Variants in ZNF486 observed in about 807,000 individuals in gnomAD.
ZNF486 encodes the protein KRAB box only protein 2.
In ZNF486, 12 loss-of-function variants were observed where a neutral mutation model predicts 12.8. The observed-to-expected ratio is 0.94, with a 90% CI of 0.60 to 1.52. The LOEUF (loss-of-function observed/expected upper bound fraction) is 1.52. Among genes scored for constraint, ZNF486 ranks in the 40% most tolerant of loss-of-function variants. The pLI is 0.00. For missense variants in ZNF486, 738 were observed against 545.0 expected (o/e 1.35, Z -3.53); for synonymous variants, 231 against 184.9 (o/e 1.25, Z -2.02).
chr19:20,198,215 C>G lies in ZNF486; in HGVS notation c.*113C>G. On this transcript the variant is annotated 3_prime_UTR_variant, in exon 4 of 4. Transcript: ENST00000335117. The stretch of plus-strand genomic sequence containing the variant: ...CACCACAACCTCCACCTTCTGGGTT[C>G]AAGTAACTCTCCTTAGTAGCTAGGA... 1.2e-6 allele frequency: 1 copy of G among 856,448 alleles called. No homozygotes were observed. Among genetic ancestry groups the G allele is most frequent in the Non-Finnish European group, 1.8e-6 (1 of 558,116 alleles). The allele number at this position is 856,448 out of a possible 1,614,324, so 53.1% of individuals were successfully genotyped here.
Position 20,194,818 on chromosome 19 carries a change from T to C in ZNF486, c.254-2146T>C, listed in dbSNP as rs542423595. Among the ~76,000 whole-genome samples, 40 of 152,344 alleles carry C rather than the reference T, an allele frequency of 2.6e-4. 1 individual carries two copies. Among genetic ancestry groups the C allele is most frequent in the Non-Finnish European group, 1.2e-4 (8 of 68,024 alleles). On this transcript the variant is annotated intron_variant, in intron 3 of 3. Transcript: ENST00000335117. ...TGTAGCACCCAAAATTCTATTCTTA[T>C]ATGTGATTTTTGAAATTTTGCTTAT...
chr19:20,192,133 T>C (rs1488693094), intron 3 of ZNF486, among the ~76,000 whole-genome samples: 1 of 152,176 alleles, frequency 6.6e-6, no homozygotes, highest in Admixed American at 6.5e-5. Context: ...TCTAATATAA[T>C]TGTGACCACC....
At chr19:20,187,628 A>C (rs548599552) in intron 3 of ZNF486, among the ~76,000 whole-genome samples, 65 of 150,916 alleles carry the variant, frequency 4.3e-4, no homozygotes, top group South Asian at 2.5e-3. Context: ...CAGCCTCCCG[A>C]GTAGCTGGGA....
intron 3 of ZNF486, among the ~76,000 whole-genome samples, chr19:20,191,419 A>G (rs1304832511): frequency 6.9e-6 from 1 of 144,044 alleles, no homozygotes. Flanking sequence ...GTGAGCTGAG[A>G]TTGCTCTACT....
chr19:20,171,791 T>C (rs1254407466), intron 1 of ZNF486, among the ~76,000 whole-genome samples: 4 of 152,166 alleles, frequency 2.6e-5, no homozygotes, highest in African/African-American at 7.2e-5. Flanking sequence ...TCATGGGGAT[T>C]TGTTGTGCAG....
chr19:20,188,600 T>C (rs192150511), intron 3 of ZNF486: 45 of 396,826 alleles, frequency 1.1e-4, no homozygotes, highest in Admixed American at 7.9e-4. Flanking sequence ...GGAGTCAAAA[T>C]TGTGCCACTA....
At chr19:20,193,911 C>T (rs1422835183) in intron 3 of ZNF486, among the ~76,000 whole-genome samples, 1 of 151,758 alleles carries the variant, frequency 6.6e-6, no homozygotes, top group African/African-American at 2.4e-5. Flanking sequence ...TTACATAAAA[C>T]CTAAAAGATC....
intron 1 of ZNF486, among the ~76,000 whole-genome samples, chr19:20,173,965 T>TG (rs1451603006): frequency 6.6e-6 from 1 of 152,052 alleles, no homozygotes; most frequent in African/African-American, 2.4e-5. Context: ...CCTTTTGTCT[T>TG]TTTTCTGACT....
At chr19:20,170,196 CAA>C (rs1386480823) in intron 1 of ZNF486, among the ~76,000 whole-genome samples, 1 of 151,876 alleles carries the variant, frequency 6.6e-6, no homozygotes, top group African/African-American at 2.4e-5. Context: ...CGCGCCCGGC[CAA>C]AATGGGGTGT....
At chr19:20,184,790 C>T (rs550436462) in intron 2 of ZNF486, among the ~76,000 whole-genome samples, 98 of 152,050 alleles carry the variant, frequency 6.4e-4, no homozygotes, top group African/African-American at 2.2e-3. Context: ...GTTTTTGATT[C>T]AGTAGTATCA....
At chr19:20,185,207 A>T (rs2122657851) in intron 2 of ZNF486, among the ~76,000 whole-genome samples, 1 of 152,182 alleles carries the variant, frequency 6.6e-6, no homozygotes, top group South Asian at 2.1e-4. Context: ...TTTTTATTGT[A>T]AAGATTTTTT....
chr19:20,188,146 G>C (rs1392662262), intron 3 of ZNF486, among the ~76,000 whole-genome samples: 1 of 152,072 alleles, frequency 6.6e-6, no homozygotes, highest in African/African-American at 2.4e-5. Context: ...AGATAACTGT[G>C]GGTTTCTATA....
chr19:20,196,926 T>C, intron 3 of ZNF486, 38 bp from the exon 4 acceptor site: 1 of 1,514,264 alleles, frequency 6.6e-7, no homozygotes, highest in Non-Finnish European at 8.8e-7. Context: ...TATCTGAGTC[T>C]AGCAATTGAA....
chr19:20,168,151 G>A (rs2089605706), intron 1 of ZNF486, among the ~76,000 whole-genome samples: 1 of 149,980 alleles, frequency 6.7e-6, no homozygotes, highest in Non-Finnish European at 1.5e-5. Context: ...CTTGTGGTCA[G>A]GAGTTCTAGA....
At chr19:20,184,175 CTTTT>C (rs557941667) in intron 1 of ZNF486, among the ~76,000 whole-genome samples, 177 bp from the exon 2 acceptor site, 1 of 151,718 alleles carries the variant, frequency 6.6e-6, no homozygotes, top group Admixed American at 6.6e-5. Context: ...TTAGGCTGCT[CTTTT>C]TTTTCAGAGA....
intron 1 of ZNF486, among the ~76,000 whole-genome samples, chr19:20,174,058 A>G (rs563732598): frequency 2.6e-5 from 4 of 152,252 alleles, no homozygotes; most frequent in Non-Finnish European, 5.9e-5. Context: ...CTTTAAATAG[A>G]CACAGATTTA....
At chr19:20,187,527 A>C (rs1198563970) in intron 3 of ZNF486, among the ~76,000 whole-genome samples, 1 of 129,064 alleles carries the variant, frequency 7.7e-6, no homozygotes, top group Non-Finnish European at 1.6e-5. Flanking sequence ...TTTTTGAGAG[A>C]GTCTCACTCT....
chr19:20,196,970 G>C lies in ZNF486; in HGVS notation c.260G>C (p.Cys87Ser). The C allele has an allele frequency of 6.5e-7, 1 of 1,545,576 alleles. No individual in the cohort carries two copies. Among genetic ancestry groups the C allele is most frequent in the Admixed American group, 2.2e-5 (1 of 45,770 alleles). Residue 87 changes from cysteine to serine, a missense_variant, in exon 4 of 4, where the codon TGT becomes TCT. Coordinates refer to ENST00000335117, the MANE Select transcript of ZNF486 (RefSeq NM_052852.4). Reference sequence around the variant, plus strand: ...TTTTTATTGTTTCTTTCAGTTGTGTGTTCTCATTTTGCCCAAGACCTTTGG... The same window carrying C: ...TTTTTATTGTTTCTTTCAGTTGTGTCTTCTCATTTTGCCCAAGACCTTTGG... ...HEMIAKPPVV[C>S]SHFAQDLWPE...
intron 3 of ZNF486, among the ~76,000 whole-genome samples, chr19:20,186,514 T>G (rs782560630): frequency 3.3e-5 from 5 of 152,198 alleles, no homozygotes; most frequent in Non-Finnish European, 7.3e-5. Flanking sequence ...TCATTTTTTC[T>G]GCACAGTCCA....
Sources: gnomAD v4.1 joint callset for allele counts (sites outside exome capture counted in the v4.1 genomes callset) on GRCh38, gnomAD v4.1.1 for gene constraint, MANE v1.5 for transcripts, NCBI Gene and HGNC (gene_info 2026-07-23, HGNC 2026-07-21) for gene names.